Variants in SNTG1 observed in about 807,000 individuals in gnomAD.
SNTG1 encodes the protein syntrophin gamma 1.
SNTG1 carries 39 observed loss-of-function variants against 74.7 expected under a neutral mutation model. The ratio of observed to expected loss-of-function variants is 0.52; its 90% CI spans 0.40 to 0.68. SNTG1 has a LOEUF of 0.68. Among genes scored for constraint, SNTG1 ranks in the 30% least tolerant of loss-of-function variants. The probability of loss-of-function intolerance (pLI) is 0.00; values close to 1 mark genes in which losing one functional copy is unlikely to be tolerated. For synonymous variants in SNTG1, 254 were observed against 217.1 expected (o/e 1.17, Z -1.49); for missense variants, 685 against 609.5 (o/e 1.12, Z -1.30).
At chr8:50,499,077 A>G (rs2093928761) in intron 8 of SNTG1, among the ~76,000 whole-genome samples, 1 of 151,746 alleles carries the variant, frequency 6.6e-6, no homozygotes, top group Admixed American at 6.6e-5. Context: ...TTGATTTTCC[A>G]AAGGTGGTTT....
intron 1 of SNTG1, among the ~76,000 whole-genome samples, chr8:50,160,313 G>T (rs981563288): frequency 1.3e-5 from 2 of 152,138 alleles, no homozygotes; most frequent in African/African-American, 4.8e-5. Context: ...TTGTGTTAAA[G>T]GGATGATATA....
chr8:50,706,715 C>A (rs1399141675), intron 16 of SNTG1, among the ~76,000 whole-genome samples: 1 of 151,950 alleles, frequency 6.6e-6, no homozygotes, highest in Non-Finnish European at 1.5e-5. Flanking sequence ...TATTTATTTA[C>A]CACATAAGAA....
chr8:50,668,647 C>A (rs908427468), intron 15 of SNTG1, among the ~76,000 whole-genome samples: 1 of 151,676 alleles, frequency 6.6e-6, no homozygotes, highest in African/African-American at 2.4e-5. Context: ...AGGTACCTCC[C>A]CTGACCCTTA....
chr8:49,938,552 CTTTTG>C (rs1177979938), intron 1 of SNTG1, among the ~76,000 whole-genome samples: 1,677 of 45,112 alleles, frequency 0.037, 91 homozygotes, highest in African/African-American at 0.12. Flanking sequence ...GCCTTCTTTT[CTTTTG>C]TTTTCTTTTC....
intron 4 of SNTG1, among the ~76,000 whole-genome samples, chr8:50,419,599 T>C (rs1251417915): frequency 6.6e-6 from 1 of 152,050 alleles, no homozygotes; most frequent in Non-Finnish European, 1.5e-5. Context: ...GCTCTCCTCC[T>C]CCCCTCAACA....
intron 1 of SNTG1, among the ~76,000 whole-genome samples, chr8:50,092,571 A>G (rs2079779203): frequency 6.6e-6 from 1 of 152,142 alleles, no homozygotes; most frequent in Admixed American, 6.5e-5. Context: ...AACTTTCTTC[A>G]GCTTAAATAG....
chr8:50,714,677 A>G (rs2095470859), intron 17 of SNTG1, among the ~76,000 whole-genome samples: 1 of 152,082 alleles, frequency 6.6e-6, no homozygotes, highest in Admixed American at 6.6e-5. Flanking sequence ...GTAACCTGAG[A>G]ACAAAGAGAC....
chr8:50,109,780 A>C (rs1027407707), intron 1 of SNTG1, among the ~76,000 whole-genome samples: 5 of 152,132 alleles, frequency 3.3e-5, no homozygotes, highest in African/African-American at 1.2e-4. Context: ...GTTTACATAG[A>C]GAGACAGGAT....
At position 50,181,441 on chromosome 8, in the gene SNTG1, A is replaced by G. The variant is rs544642772; in HGVS notation, c.-28+8806A>G. Among the ~76,000 whole-genome samples the G allele has an allele frequency of 2.6e-5, 4 of 152,326 alleles. No individual in the cohort carries two copies. The South Asian group carries it at 8.3e-4, about 32-fold the overall frequency. ...CTCCAAAAACAACCATTTGGTTAGC[A>G]CGTGCATCAGTCCTACCTCCATGAA... On this transcript the variant is annotated intron_variant, in intron 2 of 18. Coordinates refer to ENST00000642720, the MANE Select transcript of SNTG1 (RefSeq NM_018967.5).
At position 49,971,471 on chromosome 8, in the gene SNTG1, C is replaced by T. The variant is rs1811667957; in HGVS notation, c.-103+59240C>T. 2.0e-5 allele frequency among the ~76,000 whole-genome samples: 3 copies of T among 152,128 alleles called. No homozygotes were observed. The South Asian group carries it at 6.2e-4, about 32-fold the overall frequency. On this transcript the variant is annotated intron_variant, in intron 1 of 18. Transcript: ENST00000642720. Reference sequence around the variant, plus strand: ...AAAACTGGCACAAGACAGATGCCCTCCCTCACCACTCCTATTCAACATAGT... The same window carrying T: ...AAAACTGGCACAAGACAGATGCCCTTCCTCACCACTCCTATTCAACATAGT...
intron 9 of SNTG1, among the ~76,000 whole-genome samples, chr8:50,505,106 C>T (rs2093995290): frequency 6.6e-6 from 1 of 152,102 alleles, no homozygotes; most frequent in Admixed American, 6.6e-5. Flanking sequence ...TGGTGATTAG[C>T]TTATTTCATT....
At chr8:50,576,841 A>G (rs987616046) in intron 12 of SNTG1, among the ~76,000 whole-genome samples, 1 of 152,124 alleles carries the variant, frequency 6.6e-6, no homozygotes, top group Admixed American at 6.5e-5. Context: ...ATTAATTATA[A>G]CAATTACTTT....
intron 8 of SNTG1, among the ~76,000 whole-genome samples, chr8:50,494,576 T>G (rs2093887240): frequency 6.6e-6 from 1 of 152,002 alleles, no homozygotes; most frequent in Admixed American, 6.6e-5. Flanking sequence ...TAATGGATCT[T>G]GAGCTACTCA....
intron 11 of SNTG1, among the ~76,000 whole-genome samples, chr8:50,539,715 A>T (rs186043927): frequency 3.5e-4 from 53 of 152,308 alleles, no homozygotes; most frequent in African/African-American, 1.3e-3. Context: ...CCCCACTGAC[A>T]CTACCCTGGC....
intron 17 of SNTG1, among the ~76,000 whole-genome samples, chr8:50,728,491 A>G (rs1006858244): frequency 3.9e-5 from 6 of 152,166 alleles, no homozygotes; most frequent in Non-Finnish European, 8.8e-5. Flanking sequence ...TAAATAAATT[A>G]ATGCCTCTTT....
intron 1 of SNTG1, among the ~76,000 whole-genome samples, chr8:49,944,784 C>T (rs998524799): frequency 1.6e-4 from 24 of 147,930 alleles, no homozygotes; most frequent in Non-Finnish European, 3.1e-4. Context: ...GAATTCATCA[C>T]CTGCAAGAAA....
chr8:50,353,454 T>C (rs1422211486), intron 2 of SNTG1, among the ~76,000 whole-genome samples: 1 of 152,180 alleles, frequency 6.6e-6, no homozygotes, highest in Non-Finnish European at 1.5e-5. Flanking sequence ...AAAATTAGCA[T>C]TGCAAATGTG....
At chr8:50,214,550 G>A (rs1053720422) in intron 2 of SNTG1, among the ~76,000 whole-genome samples, 3 of 152,106 alleles carry the variant, frequency 2.0e-5, no homozygotes, top group African/African-American at 7.2e-5. Context: ...GGACACAAGT[G>A]TTTGAATTTT....
intron 10 of SNTG1, among the ~76,000 whole-genome samples, chr8:50,535,759 A>G (rs1016810682): frequency 6.6e-6 from 1 of 152,224 alleles, no homozygotes; most frequent in Non-Finnish European, 1.5e-5. Flanking sequence ...AGTAATGCTT[A>G]ATAATATTTA....
Sources: gnomAD v4.1 joint callset for allele counts (sites outside exome capture counted in the v4.1 genomes callset) on GRCh38, gnomAD v4.1.1 for gene constraint, MANE v1.5 for transcripts, NCBI Gene and HGNC (gene_info 2026-07-23, HGNC 2026-07-21) for gene names.